Variants in WWOX observed in about 807,000 individuals in gnomAD.
The protein encoded by WWOX is WW domain containing oxidoreductase.
A neutral mutation model predicts 46.2 loss-of-function variants in WWOX; 69 were observed. That is an observed-to-expected ratio of 1.49 (90% CI 1.23 to 1.82). The LOEUF (loss-of-function observed/expected upper bound fraction) is 1.82, where lower values mean the gene tolerates loss of function less well. Ranked by LOEUF, WWOX falls within the 40% of genes most tolerant of loss-of-function variation. WWOX has a pLI of 0.00. For missense variants in WWOX, 919 were observed against 542.6 expected, an observed-to-expected ratio of 1.69 and a Z score of -6.89; for synonymous variants, 359 against 202.6, an observed-to-expected ratio of 1.77 and a Z score of -6.56.
intron 8 of WWOX, among the ~76,000 whole-genome samples, chr16:79,172,353 C>T (rs565751640): frequency 6.6e-6 from 1 of 152,284 alleles, no homozygotes; most frequent in Non-Finnish European, 1.5e-5. Context: ...GTCAAAGATC[C>T]ATGATTTCAG....
chr16:79,074,302 T>A (rs115984925), intron 8 of WWOX, among the ~76,000 whole-genome samples: 2,568 of 151,350 alleles, frequency 0.017, 67 homozygotes, highest in African/African-American at 0.054. Flanking sequence ...TGGTTGGCTG[T>A]CACCCCCATT....
chr16:78,667,481 T>G (rs1298963224), intron 8 of WWOX, among the ~76,000 whole-genome samples: 1 of 151,610 alleles, frequency 6.6e-6, no homozygotes, highest in Non-Finnish European at 1.5e-5. Context: ...CCATCCTGGT[T>G]AACACGGTGA....
intron 5 of WWOX, among the ~76,000 whole-genome samples, chr16:78,263,804 C>T (rs2079299480): frequency 6.6e-6 from 1 of 152,108 alleles, no homozygotes; most frequent in South Asian, 2.1e-4. Context: ...TTCCCCAGTA[C>T]ACCTGCCTCC....
intron 6 of WWOX, among the ~76,000 whole-genome samples, chr16:78,389,263 G>C (rs75362687): frequency 0.054 from 8,268 of 152,258 alleles, 764 homozygotes; most frequent in African/African-American, 0.19. Context: ...TTTGTTCGCT[G>C]ATTTGCTTCG....
At chr16:78,339,047 A>G (rs537770439) in intron 5 of WWOX, among the ~76,000 whole-genome samples, 1 of 120,386 alleles carries the variant, frequency 8.3e-6, no homozygotes, top group South Asian at 2.5e-4. Flanking sequence ...GTTTTTCAAT[A>G]AGAAGGAAAT....
intron 8 of WWOX, among the ~76,000 whole-genome samples, chr16:78,868,721 A>T (rs2044061171): frequency 6.6e-6 from 1 of 152,188 alleles, no homozygotes; most frequent in African/African-American, 2.4e-5. Flanking sequence ...ACCAATGCTG[A>T]TGAGCCATTC....
chr16:78,367,897 C>T (rs898842968), intron 5 of WWOX, among the ~76,000 whole-genome samples: 1 of 152,098 alleles, frequency 6.6e-6, no homozygotes, highest in Admixed American at 6.6e-5. Flanking sequence ...GCTGTGATTA[C>T]AGGTGCGTGA....
At chr16:78,128,239 T>TCTGCAAAAAAA (rs1344278213) in intron 4 of WWOX, among the ~76,000 whole-genome samples, 3 of 152,176 alleles carry the variant, frequency 2.0e-5, no homozygotes, top group Admixed American at 6.5e-5. Context: ...GCAAATATCT[T>TCTGCAAAAAAA]CTTCAGGGTT....
chr16:78,859,919 G>T (rs936371941), intron 8 of WWOX, among the ~76,000 whole-genome samples: 1 of 151,854 alleles, frequency 6.6e-6, no homozygotes, highest in Non-Finnish European at 1.5e-5. Flanking sequence ...CATATTTTTT[G>T]CTTGCTTGAA....
chr16:78,444,462 T>G lies in WWOX; in HGVS notation c.1056+11710T>G, dbSNP rs11866134. Reference sequence around the variant, plus strand: ...GGATGAAAACTGAACCTACCATCATTTATTAAGAGAATGGATATTTTCATG... The same window carrying G: ...GGATGAAAACTGAACCTACCATCATGTATTAAGAGAATGGATATTTTCATG... On this transcript the variant is annotated intron_variant, in intron 8 of 8. Coordinates refer to ENST00000566780, the MANE Select transcript of WWOX (RefSeq NM_016373.4). Among the ~76,000 whole-genome samples, 981 of 152,042 alleles carry G rather than the reference T, an allele frequency of 6.5e-3. 6 individuals carry two copies. Among genetic ancestry groups the G allele is most frequent in the African/African-American group, 0.023 (937 of 41,380 alleles).
At chr16:78,729,745 A>G (rs151138998) in intron 8 of WWOX, among the ~76,000 whole-genome samples, 1,677 of 152,314 alleles carry the variant, frequency 0.011, 19 homozygotes, top group South Asian at 0.053. Context: ...ATAGCAAACT[A>G]ATGCAAATGG....
chr16:78,806,108 A>G (rs1334668524), intron 8 of WWOX, among the ~76,000 whole-genome samples: 3 of 152,200 alleles, frequency 2.0e-5, no homozygotes, highest in Non-Finnish European at 4.4e-5. Flanking sequence ...ACTTTGTGGT[A>G]TATTCATTAG....
In WWOX at chr16:78,474,249, A is replaced by G. The variant is rs577655844; in HGVS notation, c.1056+41497A>G. ...CAGTTTTATGTTTGACATTTTGATC[A>G]TACTAACCTGGGACATTTTATGCTA... is the stretch of plus-strand genomic sequence containing the variant. On this transcript the variant is annotated intron_variant, in intron 8 of 8. Transcript: ENST00000566780. Among the ~76,000 whole-genome samples, 3 of 152,354 alleles carry G rather than the reference A, an allele frequency of 2.0e-5. No individual in the cohort carries two copies. The East Asian group carries it at 5.8e-4, about 29-fold the overall frequency.
intron 8 of WWOX, among the ~76,000 whole-genome samples, chr16:78,983,348 G>A (rs542178511): frequency 1.4e-4 from 22 of 152,308 alleles, no homozygotes; most frequent in Admixed American, 3.9e-4. Flanking sequence ...CGCTTCTTCC[G>A]TGGTGTTCTT....
chr16:78,561,169 G>C (rs1450758285), intron 8 of WWOX, among the ~76,000 whole-genome samples: 1 of 152,106 alleles, frequency 6.6e-6, no homozygotes, highest in East Asian at 1.9e-4. Context: ...AGCTCCCAGA[G>C]GCAACCCACA....
chr16:78,659,645 G>A (rs941370896), intron 8 of WWOX, among the ~76,000 whole-genome samples: 2 of 152,180 alleles, frequency 1.3e-5, no homozygotes, highest in Admixed American at 6.5e-5. Context: ...CTCCATCGGA[G>A]CGAGTTCAGG....
chr16:78,302,042 C>T (rs1269400031), intron 5 of WWOX, among the ~76,000 whole-genome samples: 3 of 151,376 alleles, frequency 2.0e-5, no homozygotes, highest in Non-Finnish European at 2.9e-5. Flanking sequence ...CTGATTGTAA[C>T]CTCCACCTCC....
In WWOX at chr16:78,543,287, G is replaced by A. The variant is rs978551679; in HGVS notation, c.1056+110535G>A. ...GTCGTTTCCTCTTGGCTGCCTACTG[G>A]CTAGGCCAGTCACGTGGCCCTGAAG... On this transcript the variant is annotated intron_variant, in intron 8 of 8. Coordinates refer to ENST00000566780, the MANE Select transcript of WWOX (RefSeq NM_016373.4). Among the ~76,000 whole-genome samples, 3 of 151,508 alleles carry A rather than the reference G, an allele frequency of 2.0e-5. No homozygotes were observed. The South Asian group carries it at 6.5e-4, about 33-fold the overall frequency.
intron 8 of WWOX, among the ~76,000 whole-genome samples, chr16:78,963,385 C>T (rs2046307771): frequency 6.6e-6 from 1 of 152,168 alleles, no homozygotes; most frequent in Admixed American, 6.5e-5. Context: ...AGGAGAATTG[C>T]TGGAGTACAG....
Sources: allele counts gnomAD v4.1 joint callset (sites outside exome capture counted in the v4.1 genomes callset), GRCh38; gene constraint gnomAD v4.1.1; transcripts MANE v1.5; gene names NCBI Gene and HGNC (gene_info 2026-07-23, HGNC 2026-07-21).